CHFR: variants seen among roughly 807,000 people sequenced by gnomAD.
CHFR encodes E3 ubiquitin-protein ligase CHFR.
Under a neutral mutation model 87.6 loss-of-function variants are expected in CHFR, and 57 were observed. The ratio of observed to expected loss-of-function variants is 0.65; its 90% CI spans 0.53 to 0.81. The LOEUF is 0.81. Ranked by LOEUF, CHFR falls within the 30% of genes least tolerant of loss-of-function variation. CHFR has a pLI of 0.00. For missense variants in CHFR, 797 were observed against 865.8 expected, an observed-to-expected ratio of 0.92 and a Z score of 1.00; for synonymous variants, 381 against 359.2, an observed-to-expected ratio of 1.06 and a Z score of -0.69.
intron 2 of CHFR, among the ~76,000 whole-genome samples, chr12:132,880,615 G>T (rs535072913): frequency 6.6e-6 from 1 of 151,328 alleles, no homozygotes; most frequent in African/African-American, 2.4e-5. Flanking sequence ...CCAAGATGGT[G>T]CCACTGCACT....
At chr12:132,847,908 C>A in intron 14 of CHFR, 177 bp downstream of exon 14, 2 of 1,450,002 alleles carry the variant, frequency 1.4e-6, no homozygotes, top group Non-Finnish European at 1.8e-6. Context: ...AACAGACAAA[C>A]ACCAATGGCA....
At chr12:132,866,121 T>C (rs1184906695) in intron 6 of CHFR, 1 of 152,246 alleles carries the variant, frequency 6.6e-6, no homozygotes, top group East Asian at 1.9e-4. Context: ...TTGTCTGTCA[T>C]GGGTTTGGTC....
chr12:132,858,146 C>T (rs1201658380), intron 8 of CHFR, among the ~76,000 whole-genome samples: 1 of 152,142 alleles, frequency 6.6e-6, no homozygotes, highest in Non-Finnish European at 1.5e-5. Flanking sequence ...TACCTGAGTG[C>T]AGGAGTTCGA....
intron 12 of CHFR, 59 bp from the exon 13 acceptor site, chr12:132,848,783 T>C: frequency 7.8e-7 from 1 of 1,275,886 alleles, no homozygotes; most frequent in South Asian, 1.3e-5. Context: ...TCCAACACAA[T>C]TCGTCAGCAC....
chr12:132,868,187 G>C (rs756302238), intron 6 of CHFR, among the ~76,000 whole-genome samples: 1 of 152,134 alleles, frequency 6.6e-6, no homozygotes, highest in Non-Finnish European at 1.5e-5. Context: ...AAAACACCAC[G>C]CTAAGTGAAA....
intron 4 of CHFR, among the ~76,000 whole-genome samples, chr12:132,871,069 C>A (rs1410471369): frequency 1.3e-5 from 2 of 152,244 alleles, no homozygotes; most frequent in African/African-American, 4.8e-5. Flanking sequence ...ATACAAGATC[C>A]TTCCGTGTGG....
intron 6 of CHFR, among the ~76,000 whole-genome samples, chr12:132,864,627 T>C (rs776809342): frequency 6.6e-6 from 1 of 152,132 alleles, no homozygotes; most frequent in Non-Finnish European, 1.5e-5. Flanking sequence ...TAGCTGGGAT[T>C]ACAGGCGCCC....
At chr12:132,843,921 C>T (rs1266940578) in intron 16 of CHFR, 106 bp downstream of exon 16, 6 of 674,626 alleles carry the variant, frequency 8.9e-6, no homozygotes, top group Non-Finnish European at 1.6e-5. Flanking sequence ...TGCACTCCAG[C>T]CTGGGCAAAA....
At position 132,840,392 on chromosome 12, in the gene CHFR, G is replaced by A. The variant is rs1950686909; in HGVS notation, c.*1162C>T. The A allele has an allele frequency of 6.6e-6, 1 of 152,644 alleles. No homozygotes were observed. Among genetic ancestry groups the A allele is most frequent in the Non-Finnish European group, 1.5e-5 (1 of 68,054 alleles). The allele number at this position is 152,644 out of a possible 1,614,324, so 9.5% of individuals were successfully genotyped here. A position where few individuals can be genotyped will look rare whatever the true frequency, so the allele number is the denominator to read the frequency against. On this transcript the variant is annotated 3_prime_UTR_variant, in exon 18 of 18. Transcript: ENST00000450056. Reference sequence around the variant, plus strand: ...CTCATTTATTAGAATATGCAAAAGAGAGGACTTTCCTCCACAAATACAGAT... The same window carrying A: ...CTCATTTATTAGAATATGCAAAAGAAAGGACTTTCCTCCACAAATACAGAT...
chr12:132,847,594 C>A, intron 14 of CHFR: 1 of 1,066,952 alleles, frequency 9.4e-7, no homozygotes, highest in South Asian at 3.0e-5. Context: ...CTGTGGCAAG[C>A]CTCAAGGCCC....
chr12:132,878,152 C>T (rs1393300968), intron 2 of CHFR, among the ~76,000 whole-genome samples: 1 of 152,078 alleles, frequency 6.6e-6, no homozygotes, highest in Non-Finnish European at 1.5e-5. Flanking sequence ...CCATCAATAC[C>T]TCCAGTTACA....
chr12:132,850,484 C>T (rs981111209), intron 12 of CHFR, among the ~76,000 whole-genome samples: 1 of 152,174 alleles, frequency 6.6e-6, no homozygotes, highest in Non-Finnish European at 1.5e-5. Flanking sequence ...GGCTTCTCAC[C>T]TGCCCTCCCA....
chr12:132,845,478 A>T (rs571524664), intron 15 of CHFR, among the ~76,000 whole-genome samples: 3,740 of 151,254 alleles, frequency 0.025, 146 homozygotes, highest in African/African-American at 0.081. Context: ...ATAAATAAAT[A>T]AATAAAAATA....
intron 6 of CHFR, among the ~76,000 whole-genome samples, chr12:132,864,333 C>T (rs1167151290): frequency 1.3e-5 from 2 of 152,228 alleles, no homozygotes; most frequent in East Asian, 3.8e-4. Context: ...GCGCCCCGTG[C>T]TCAGCCAACG....
intron 7 of CHFR, 104 bp from the exon 8 acceptor site, chr12:132,859,331 G>A (rs1011408365): frequency 1.1e-5 from 12 of 1,121,592 alleles, no homozygotes; most frequent in East Asian, 7.7e-5. Flanking sequence ...TCTAACTGTC[G>A]TAACCGAGAA....
At chr12:132,860,142 T>G (rs569100596) in intron 7 of CHFR, among the ~76,000 whole-genome samples, 2 of 152,244 alleles carry the variant, frequency 1.3e-5, no homozygotes, top group Non-Finnish European at 2.9e-5. Flanking sequence ...GGAGGAAAAC[T>G]ATTTTCATGT....
intron 14 of CHFR, 61 bp downstream of exon 14, chr12:132,848,024 A>G: frequency 6.2e-7 from 1 of 1,612,620 alleles, no homozygotes; most frequent in South Asian, 1.1e-5. Context: ...GCAGAGAACC[A>G]GCTGGCTGCA....
In CHFR at chr12:132,848,736, G is replaced by A. The variant is rs750582504; in HGVS notation, c.1493-12C>T. 7 of 1,571,228 alleles carry A rather than the reference G, an allele frequency of 4.5e-6. No homozygotes were observed. The highest frequency in any genetic ancestry group is 3.5e-5 in the South Asian group (3 of 85,524). ...CAGGCAGACCGCACCTGTGGAGAGA[G>A]GACACTCGTTACACGCACTCAGCGC... On this transcript the variant is annotated splice_polypyrimidine_tract_variant and intron_variant, in intron 12 of 17. Transcript: ENST00000450056.
intron 2 of CHFR, among the ~76,000 whole-genome samples, chr12:132,880,531 G>A (rs1175046672): frequency 2.6e-5 from 4 of 151,946 alleles, no homozygotes; most frequent in Non-Finnish European, 2.9e-5. Context: ...GATGGCGGGC[G>A]CCTGTAGTCC....
Sources: gnomAD v4.1 joint callset for allele counts (sites outside exome capture counted in the v4.1 genomes callset) on GRCh38, gnomAD v4.1.1 for gene constraint, MANE v1.5 for transcripts, NCBI Gene and HGNC (gene_info 2026-07-23, HGNC 2026-07-21) for gene names.